PSMD9: variants seen among roughly 807,000 people sequenced by gnomAD.
PSMD9 encodes the protein 26S proteasome non-ATPase regulatory subunit 9.
PSMD9 carries 26 observed loss-of-function variants against 25.9 expected under a neutral mutation model. The ratio of observed to expected loss-of-function variants is 1.00; its 90% CI spans 0.73 to 1.39. PSMD9 has a LOEUF of 1.39. Ranked by LOEUF, PSMD9 falls within the 40% of genes most tolerant of loss-of-function variation. PSMD9 has a pLI of 0.00. For missense variants in PSMD9, 303 were observed against 299.3 expected (o/e 1.01, Z -0.09); for synonymous variants, 110 against 114.5 (o/e 0.96, Z 0.25).
At chr12:121,916,257 C>G in intron 5 of PSMD9, 27 bp from the exon 6 acceptor site, 3 of 1,613,932 alleles carry the variant, frequency 1.9e-6, no homozygotes, top group Non-Finnish European at 2.5e-6. Context: ...TCCAAACTTA[C>G]GCCATTCCTT....
At chr12:121,914,035 A>G (rs935550119) in intron 4 of PSMD9, among the ~76,000 whole-genome samples, 2 of 152,036 alleles carry the variant, frequency 1.3e-5, no homozygotes, top group South Asian at 2.1e-4. Flanking sequence ...AGCTGGGACT[A>G]TAGGTGCACA....
intron 4 of PSMD9, among the ~76,000 whole-genome samples, chr12:121,904,553 G>A (rs1879496028): frequency 6.6e-6 from 1 of 150,620 alleles, no homozygotes; most frequent in African/African-American, 2.5e-5. Flanking sequence ...CAGCCTAGGC[G>A]ACAGAGCAAG....
At chr12:121,890,019 G>A (rs1879017644) in intron 1 of PSMD9, among the ~76,000 whole-genome samples, 1 of 152,096 alleles carries the variant, frequency 6.6e-6, no homozygotes, top group Admixed American at 6.6e-5. Flanking sequence ...CTGGGTTCAA[G>A]TGATTCTCCT....
chr12:121,890,183 C>T (rs1384789106), intron 1 of PSMD9, among the ~76,000 whole-genome samples: 6 of 152,174 alleles, frequency 3.9e-5, no homozygotes, highest in Non-Finnish European at 8.8e-5. Flanking sequence ...TCCCCAAGTG[C>T]TGGGATTACA....
chr12:121,912,369 C>T lies in PSMD9; in HGVS notation c.556-3487C>T, dbSNP rs1879750789. On this transcript the variant is annotated intron_variant, in intron 4 of 5. Coordinates refer to ENST00000541212, the MANE Select transcript of PSMD9 (RefSeq NM_002813.7). ...TTGGAGGACCCTCCATTACTGTTTT[C>T]CACTGCCGTGCACCGTTTCACATTC... is the stretch of plus-strand genomic sequence containing the variant. Among the ~76,000 whole-genome samples, 3 of 152,204 alleles carry T rather than the reference C, an allele frequency of 2.0e-5. No individual in the cohort carries two copies. The South Asian group carries it at 6.2e-4, about 32-fold the overall frequency.
At chr12:121,912,630 C>T (rs985694197) in intron 4 of PSMD9, among the ~76,000 whole-genome samples, 5 of 152,062 alleles carry the variant, frequency 3.3e-5, no homozygotes, top group Admixed American at 2.6e-4. Flanking sequence ...CTTTGGGAGG[C>T]TGAGGCGGGC....
intron 2 of PSMD9, 140 bp from the exon 3 acceptor site, chr12:121,899,494 T>C: frequency 1.3e-6 from 1 of 744,236 alleles, no homozygotes; most frequent in Non-Finnish European, 2.2e-6. Flanking sequence ...ATGTCCTCTG[T>C]CTTGGTCAGA....
intron 3 of PSMD9, chr12:121,902,222 C>T (rs551822782): frequency 1.3e-5 from 2 of 152,230 alleles, no homozygotes; most frequent in African/African-American, 2.4e-5. Context: ...CCTTGCAGAC[C>T]TGAAGTAACT....
In PSMD9 at chr12:121,898,103, A is replaced by G. The variant is rs1254846101; in HGVS notation, c.242-1531A>G. ...TTATGTAAGTCTGCCTCCCAAGTGC[A>G]TGTCTCCACTTGTTCAGATCTGGGT... is the stretch of plus-strand genomic sequence containing the variant. On this transcript the variant is annotated intron_variant, in intron 2 of 5. Coordinates refer to ENST00000541212, the MANE Select transcript of PSMD9 (RefSeq NM_002813.7). 3.9e-5 allele frequency: 6 copies of G among 152,122 alleles called. No homozygotes were observed. The South Asian group carries it at 1.0e-3, about 26-fold the overall frequency. The allele number at this position is 152,122 out of a possible 1,614,324, so 9.4% of individuals were successfully genotyped here.
intron 4 of PSMD9, among the ~76,000 whole-genome samples, chr12:121,905,501 G>C (rs995879434): frequency 6.6e-6 from 1 of 151,038 alleles, no homozygotes; most frequent in African/African-American, 2.5e-5. Flanking sequence ...TGGGATTACA[G>C]GTGTGAGCCA....
At position 121,899,546 on chromosome 12, in the gene PSMD9, G is replaced by A. The variant is rs544225375; in HGVS notation, c.242-88G>A. Reference sequence around the variant, plus strand: ...TAGCTCCACATCTGGCATGTAATAAGCACTTGTTAACTCTTCAGTGAATAA... The same window carrying A: ...TAGCTCCACATCTGGCATGTAATAAACACTTGTTAACTCTTCAGTGAATAA... On this transcript the variant is annotated intron_variant, in intron 2 of 5. Coordinates refer to ENST00000541212, the MANE Select transcript of PSMD9 (RefSeq NM_002813.7). The A allele has an allele frequency of 6.0e-5, 75 of 1,250,074 alleles. No individual in the cohort carries two copies. The East Asian group carries it at 1.6e-3, about 26-fold the overall frequency. 77.4% of individuals were successfully genotyped at this position (1,250,074 alleles called of 1,614,324 possible).
At chr12:121,894,318 A>G (rs1296060548) in intron 1 of PSMD9, 1 of 165,470 alleles carries the variant, frequency 6.0e-6, no homozygotes, top group Non-Finnish European at 1.3e-5. Flanking sequence ...TTTTATTTTC[A>G]GAAGAATCAA....
rs138609915 is a variant in PSMD9, at chr12:121,912,694, G to T, written c.556-3162G>T. ...CAGCCTGGGGATCATGGTGAAACCT[G>T]TCTCTGGAAAAAAATACAAAAATTA... is the stretch of plus-strand genomic sequence containing the variant. On this transcript the variant is annotated intron_variant, in intron 4 of 5. Transcript: ENST00000541212. 1.2e-3 allele frequency among the ~76,000 whole-genome samples: 175 copies of T among 151,722 alleles called. 2 individuals carry two copies. Among genetic ancestry groups the T allele is most frequent in the African/African-American group, 3.9e-3 (161 of 41,450 alleles).
intron 2 of PSMD9, among the ~76,000 whole-genome samples, chr12:121,896,527 T>C (rs938419495): frequency 2.0e-5 from 3 of 151,372 alleles, no homozygotes; most frequent in African/African-American, 7.3e-5. Flanking sequence ...AGAACAGTTA[T>C]AGATTTACAT....
intron 4 of PSMD9, among the ~76,000 whole-genome samples, chr12:121,913,493 CTTTTTTT>C (rs771986462): frequency 6.7e-5 from 9 of 134,836 alleles, no homozygotes; most frequent in Admixed American, 1.5e-4. Context: ...TTTCTTTTTT[CTTTTTTT>C]TTTTTTTTTA....
chr12:121,899,475 C>A, intron 2 of PSMD9, 159 bp from the exon 3 acceptor site: 1 of 657,644 alleles, frequency 1.5e-6, no homozygotes, highest in Non-Finnish European at 2.6e-6. Context: ...CTGAATGCTC[C>A]ATGAGGGAAT....
intron 4 of PSMD9, chr12:121,908,070 A>G (rs1879612345): frequency 6.6e-6 from 1 of 152,154 alleles, no homozygotes. Context: ...CCTTAAAATC[A>G]CATAGTGCAA....
chr12:121,910,587 C>A (rs1245107599), intron 4 of PSMD9, among the ~76,000 whole-genome samples: 1 of 151,368 alleles, frequency 6.6e-6, no homozygotes, highest in African/African-American at 2.4e-5. Flanking sequence ...GTGGTGAAAC[C>A]CTATCTCTAC....
chr12:121,915,725 C>T (rs2135734868), intron 4 of PSMD9, 131 bp from the exon 5 acceptor site: 4 of 831,340 alleles, frequency 4.8e-6, no homozygotes, highest in South Asian at 3.6e-5. Context: ...ACCCTCTCGC[C>T]AACCACAGGA....
Sources: allele counts gnomAD v4.1 joint callset (sites outside exome capture counted in the v4.1 genomes callset), GRCh38; gene constraint gnomAD v4.1.1; transcripts MANE v1.5; gene names NCBI Gene and HGNC (gene_info 2026-07-23, HGNC 2026-07-21).